Variants in ZNF511 observed in about 807,000 individuals in gnomAD.
The protein encoded by ZNF511 is zinc finger protein 511.
In ZNF511, 26 loss-of-function variants were observed where a neutral mutation model predicts 24.8. The ratio of observed to expected loss-of-function variants is 1.05; its 90% CI spans 0.77 to 1.46. ZNF511 has a LOEUF of 1.46. Among genes scored for constraint, ZNF511 ranks in the 40% most tolerant of loss-of-function variants. ZNF511 has a pLI of 0.00. For missense variants in ZNF511, 358 were observed against 345.0 expected (o/e 1.04, Z -0.30); for synonymous variants, 144 against 139.6 (o/e 1.03, Z -0.22).
At chr10:133,309,509 T>C (rs1008295245) in intron 2 of ZNF511, 46 bp downstream of exon 2, 7 of 1,576,772 alleles carry the variant, frequency 4.4e-6, no homozygotes, top group South Asian at 1.1e-5. Flanking sequence ...CTGCGCCGCC[T>C]CCCTGACCGG....
Position 133,312,246 on chromosome 10 carries a change from A to G in ZNF511, c.680+405A>G, listed in dbSNP as rs1312741957. 9.7e-6 allele frequency: 13 copies of G among 1,346,078 alleles called. No homozygotes were observed. In the Admixed American group the frequency reaches 1.1e-4, roughly 11 times the overall value. 83.4% of individuals were successfully genotyped at this position (1,346,078 alleles called of 1,614,324 possible). On this transcript the variant is annotated intron_variant, in intron 5 of 5. Transcript: ENST00000361518. ...CTGTGCCGTCTGCCTTCCTAGCATG[A>G]CCTGTGCCGTCTGCCTTTCTAGCAT...
At chr10:133,309,604 C>T (rs367587479) in intron 2 of ZNF511, 141 bp downstream of exon 2, 22 of 1,269,612 alleles carry the variant, frequency 1.7e-5, no homozygotes, top group East Asian at 5.0e-5. Flanking sequence ...TTGGCGTGGC[C>T]GACTCTTCCA....
chr10:133,312,279 A>C, intron 5 of ZNF511: 1 of 1,238,508 alleles, frequency 8.1e-7, no homozygotes, highest in African/African-American at 1.6e-5. Flanking sequence ...CATGACCTGT[A>C]CTGTCTGCCT....
At chr10:133,309,591 G>A in intron 2 of ZNF511, 128 bp downstream of exon 2, 1 of 1,290,424 alleles carries the variant, frequency 7.7e-7, no homozygotes, top group Non-Finnish European at 1.1e-6. Context: ...TGCCTGTCCA[G>A]CTTTGGCGTG....
Position 133,313,066 on chromosome 10 carries a change from C to G in ZNF511, c.*200C>G, listed in dbSNP as rs1161527359. The G allele has an allele frequency of 4.3e-6, 6 of 1,385,450 alleles. No homozygotes were observed. Among genetic ancestry groups the G allele is most frequent in the Non-Finnish European group, 5.7e-6 (6 of 1,058,216 alleles). The allele number at this position is 1,385,450 out of a possible 1,614,324, so 85.8% of individuals were successfully genotyped here. A position where few individuals can be genotyped will look rare whatever the true frequency, so the allele number is the denominator to read the frequency against. On this transcript the variant is annotated 3_prime_UTR_variant, in exon 6 of 6. Coordinates refer to ENST00000361518, the MANE Select transcript of ZNF511 (RefSeq NM_145806.4). The stretch of plus-strand genomic sequence containing the variant: ...ACAGATTTTGGAAACGACCTGGACA[C>G]ACTATTGGGAAGGAGATGTGGACGG...
intron 1 of ZNF511, 46 bp from the exon 2 acceptor site, chr10:133,309,344 G>T (rs891090442): frequency 6.3e-7 from 1 of 1,588,538 alleles, no homozygotes; most frequent in South Asian, 1.1e-5. Context: ...CGCGGTGGGC[G>T]TGCCGCGAGT....
At chr10:133,309,344 G>C (rs891090442) in intron 1 of ZNF511, 46 bp from the exon 2 acceptor site, 20 of 1,588,420 alleles carry the variant, frequency 1.3e-5, no homozygotes, top group Non-Finnish European at 1.6e-5. Context: ...CGCGGTGGGC[G>C]TGCCGCGAGT....
intron 5 of ZNF511, 122 bp from the exon 6 acceptor site, chr10:133,312,666 G>T: frequency 6.4e-7 from 1 of 1,560,476 alleles, no homozygotes. Flanking sequence ...CAGGAGGGCC[G>T]GCTCTGCATT....
chr10:133,309,280 G>A, intron 1 of ZNF511, 110 bp from the exon 2 acceptor site: 3 of 1,411,228 alleles, frequency 2.1e-6, no homozygotes, highest in Non-Finnish European at 2.9e-6. Context: ...CTGAGGCTGT[G>A]GGGCGGGACC....
rs900240611 is a variant in ZNF511, at chr10:133,312,980, C to A, written c.*114C>A. 1 of 1,560,326 alleles carries A rather than the reference C, an allele frequency of 6.4e-7. No homozygotes were observed. Among genetic ancestry groups the A allele is most frequent in the Non-Finnish European group, 8.6e-7 (1 of 1,156,504 alleles). ...CTGGGGGCCAGGCCCTCGCCATCCT[C>A]CCCATCCTTGTTCCTCAGCAAATGG... On this transcript the variant is annotated 3_prime_UTR_variant, in exon 6 of 6. Transcript: ENST00000361518.
intron 4 of ZNF511, 141 bp from the exon 5 acceptor site, chr10:133,311,575 A>G (rs967855512): frequency 4.2e-6 from 3 of 707,716 alleles, no homozygotes; most frequent in South Asian, 1.9e-5. Context: ...AAACCACACT[A>G]TAAAATCAGA....
In ZNF511 at chr10:133,311,753, C is replaced by T. The variant is rs747203864; in HGVS notation, c.592C>T (p.Arg198Trp). ...AGAAGCCCCAGGGGACAGTGGAGAG[C>T]GGTCAGAAGGGGAGGCCATGGAAAT... The part of the protein sequence containing the change: ...SAEAPGDSGE[R>W]SEGEAMEICS... The change falls in exon 5 of 6, where the codon CGG becomes TGG. Residue 198 changes from arginine to tryptophan, a missense_variant. Physicochemically the swap from Arg to Trp is moderately radical, Grantham distance 101. Transcript: ENST00000361518. 1.3e-5 allele frequency: 21 copies of T among 1,613,578 alleles called. No homozygotes were observed. The highest frequency in any genetic ancestry group is 4.5e-5 in the East Asian group (2 of 44,898).
chr10:133,310,555 G>A (rs1195909375), intron 4 of ZNF511: 14 of 490,554 alleles, frequency 2.9e-5, no homozygotes, highest in East Asian at 7.7e-5. Flanking sequence ...ATGAGCGGGC[G>A]CAGCGCCTCC....
chr10:133,313,081 G>C lies in ZNF511; in HGVS notation c.*215G>C, dbSNP rs1256743895. 2.3e-6 allele frequency: 3 copies of C among 1,295,396 alleles called. No individual in the cohort carries two copies. The highest frequency in any genetic ancestry group is 3.0e-6 in the Non-Finnish European group (3 of 983,706). 80.2% of individuals were successfully genotyped at this position (1,295,396 alleles called of 1,614,324 possible). A position where few individuals can be genotyped will look rare whatever the true frequency, so the allele number is the denominator to read the frequency against. ...GACCTGGACACACTATTGGGAAGGA[G>C]ATGTGGACGGCCTGTCTCCTCCTGC... On this transcript the variant is annotated 3_prime_UTR_variant, in exon 6 of 6. Transcript: ENST00000361518.
intron 4 of ZNF511, among the ~76,000 whole-genome samples, chr10:133,311,377 C>T (rs1373169809): frequency 6.6e-6 from 1 of 152,130 alleles, no homozygotes; most frequent in Non-Finnish European, 1.5e-5. Context: ...ATGGAAGAGA[C>T]TAGTTTATAG....
chr10:133,309,847 A>G lies in ZNF511; in HGVS notation c.299A>G (p.His100Arg). Reference sequence around the variant, plus strand: ...GATGCCCTGGACGACTACGAGCACCACTACCACACGCTGCACGGAAATGTT... The same window carrying G: ...GATGCCCTGGACGACTACGAGCACCGCTACCACACGCTGCACGGAAATGTT... ...VFDALDDYEH[H>R]YHTLHGNVCS... The change falls in exon 3 of 6, where the codon CAC becomes CGC. Residue 100 changes from histidine to arginine, a missense_variant. Coordinates refer to ENST00000361518, the MANE Select transcript of ZNF511 (RefSeq NM_145806.4). 1 of 1,613,770 alleles carries G rather than the reference A, an allele frequency of 6.2e-7. No homozygotes were observed. Among genetic ancestry groups the G allele is most frequent in the Non-Finnish European group, 8.5e-7 (1 of 1,180,018 alleles).
chr10:133,311,076 G>A (rs1194263444), intron 4 of ZNF511, among the ~76,000 whole-genome samples: 2 of 152,198 alleles, frequency 1.3e-5, no homozygotes, highest in Non-Finnish European at 2.9e-5. Context: ...TGCTGAGATT[G>A]TAGGTATGAG....
intron 1 of ZNF511, 40 bp from the exon 2 acceptor site, chr10:133,309,350 C>G (rs759721021): frequency 1.3e-6 from 2 of 1,594,746 alleles, no homozygotes; most frequent in Admixed American, 1.7e-5. Flanking sequence ...GGGCGTGCCG[C>G]GAGTCACCTG....
At chr10:133,312,419 TC>T (rs1436056159) in intron 5 of ZNF511, 45 of 1,196,578 alleles carry the variant, frequency 3.8e-5, no homozygotes, top group Non-Finnish European at 1.2e-5. Flanking sequence ...AACTTAATGT[TC>T]CCTGCACCCT....
Sources: gnomAD v4.1 joint callset for allele counts (sites outside exome capture counted in the v4.1 genomes callset) on GRCh38, gnomAD v4.1.1 for gene constraint, MANE v1.5 for transcripts, NCBI Gene and HGNC (gene_info 2026-07-23, HGNC 2026-07-21) for gene names.